Variants in AADACL4 observed in about 807,000 individuals in gnomAD.
AADACL4 encodes arylacetamide deacetylase like 4, also known as arylacetamide deacetylase-like 4.
AADACL4 carries 9 observed loss-of-function variants against 14.1 expected under a neutral mutation model. That is an observed-to-expected ratio of 0.64 (90% CI 0.39 to 1.12). The LOEUF (loss-of-function observed/expected upper bound fraction) is 1.12, where lower values mean the gene tolerates loss of function less well. Ranked by LOEUF, AADACL4 falls within the 50% of genes most tolerant of loss-of-function variation. The pLI, the probability that AADACL4 is intolerant of heterozygous loss-of-function variation, is 0.01. For missense variants in AADACL4, 531 were observed against 516.1 expected (o/e 1.03, Z -0.28); for synonymous variants, 188 against 201.6 (o/e 0.93, Z 0.57).
chr1:12,644,806 GTCTC>G (rs1191911646), intron 1 of AADACL4, 92 bp downstream of exon 1: 5 of 1,375,900 alleles, frequency 3.6e-6, no homozygotes, highest in Admixed American at 2.0e-5. Context: ...CTTCCCTTCT[GTCTC>G]TCTCTCTTCG....
intron 2 of AADACL4, among the ~76,000 whole-genome samples, chr1:12,658,139 C>CTTTCTTTCTTTCTTT: frequency 1.2e-5 from 1 of 84,932 alleles, no homozygotes; most frequent in Admixed American, 1.2e-4. Flanking sequence ...TTCCTTCCTT[C>CTTTCTTTCTTTCTTT]CTTTCTTTCT....
chr1:12,646,401 G>T (rs1373796155), intron 1 of AADACL4, among the ~76,000 whole-genome samples: 1 of 152,172 alleles, frequency 6.6e-6, no homozygotes, highest in Non-Finnish European at 1.5e-5. Context: ...TTCCCCATGG[G>T]TTACAAAAAC....
chr1:12,644,370 C>G lies in AADACL4; in HGVS notation c.-177C>G, dbSNP rs1228524745. Among the ~76,000 whole-genome samples the G allele has an allele frequency of 2.0e-5, 3 of 152,198 alleles. No homozygotes were observed. The highest frequency in any genetic ancestry group is 7.2e-5 in the African/African-American group (3 of 41,444). The stretch of plus-strand genomic sequence containing the variant: ...CTTAGGGAAATAGGTTCCTCCACCT[C>G]CCATTGGCCTTTTTGTGCTTACCCT... On this transcript the variant is annotated 5_prime_UTR_variant, in exon 1 of 4. Coordinates refer to ENST00000376221, the MANE Select transcript of AADACL4 (RefSeq NM_001013630.2).
Position 12,644,537 on chromosome 1 carries a change from C to T in AADACL4, c.-10C>T. 6.2e-7 allele frequency: 1 copy of T among 1,613,130 alleles called. No homozygotes were observed. The highest frequency in any genetic ancestry group is 1.1e-5 in the South Asian group (1 of 90,918). On this transcript the variant is annotated 5_prime_UTR_variant, in exon 1 of 4. Coordinates refer to ENST00000376221, the MANE Select transcript of AADACL4 (RefSeq NM_001013630.2). ...TCCTCAGGGCAGCAGCTCCTCAAGG[C>T]CCCAGGAACATGGCTGTCCCCTGGC...
intron 1 of AADACL4, among the ~76,000 whole-genome samples, chr1:12,645,672 T>C (rs914907598): frequency 6.6e-6 from 1 of 152,134 alleles, no homozygotes; most frequent in African/African-American, 2.4e-5. Context: ...GCCTCCCAAG[T>C]AGCTGGGACT....
At chr1:12,663,460 A>G (rs1647262960) in intron 3 of AADACL4, among the ~76,000 whole-genome samples, 1 of 152,106 alleles carries the variant, frequency 6.6e-6, no homozygotes, top group African/African-American at 2.4e-5. Flanking sequence ...TCATAAGGGC[A>G]CTAATCCCAT....
intron 2 of AADACL4, among the ~76,000 whole-genome samples, chr1:12,658,450 G>A (rs1011903086): frequency 5.9e-5 from 9 of 152,212 alleles, no homozygotes; most frequent in Non-Finnish European, 8.8e-5. Flanking sequence ...GTAGAGACGG[G>A]GTTTTGCCAT....
intron 3 of AADACL4, 119 bp downstream of exon 3, chr1:12,661,973 TC>T: frequency 1.8e-6 from 2 of 1,120,250 alleles, no homozygotes; most frequent in Non-Finnish European, 2.7e-6. Context: ...TGGACATGCA[TC>T]CACAGAGACA....
chr1:12,648,305 G>T (rs1445516844), intron 1 of AADACL4, among the ~76,000 whole-genome samples: 2 of 151,866 alleles, frequency 1.3e-5, no homozygotes, highest in Non-Finnish European at 2.9e-5. Flanking sequence ...TGCAATATTT[G>T]TCAAGGAGTT....
chr1:12,650,137 T>G (rs1647136292), intron 1 of AADACL4, among the ~76,000 whole-genome samples: 3 of 152,206 alleles, frequency 2.0e-5, no homozygotes, highest in African/African-American at 4.8e-5. Context: ...TTCTTATCAT[T>G]CCTTGCTGTT....
Position 12,666,308 on chromosome 1 carries a change from C to T in AADACL4, c.797C>T (p.Ala266Val), listed in dbSNP as rs757095087. Residue 266 changes from alanine (A) to valine (V), a missense_variant, in exon 4 of 4, where the codon GCC (alanine) becomes GTC (valine). Ala to Val is a moderately conservative substitution (Grantham distance 64). Coordinates refer to ENST00000376221, the MANE Select transcript of AADACL4 (RefSeq NM_001013630.2). ...GCCATTGACCTCTCCTGGCGTGACG[C>T]CATCTTGAACGGCACTTGTGTACCC... is the stretch of plus-strand genomic sequence containing the variant. ...YLAIDLSWRD[A>V]ILNGTCVPPD... is the part of the protein sequence containing the mutation. 1.9e-6 allele frequency: 3 copies of T among 1,614,216 alleles called. No individual in the cohort carries two copies. Among genetic ancestry groups the T allele is most frequent in the Non-Finnish European group, 2.5e-6 (3 of 1,180,052 alleles).
intron 2 of AADACL4, among the ~76,000 whole-genome samples, chr1:12,658,067 C>CTT (rs1647193543): frequency 7.3e-6 from 1 of 137,274 alleles, no homozygotes; most frequent in African/African-American, 3.0e-5. Flanking sequence ...CTTTCTTTTT[C>CTT]TCTTTCTTTC....
Position 12,661,814 on chromosome 1 carries a change from T to C in AADACL4, c.409T>C (p.Tyr137His), listed in dbSNP as rs779773583. The part of the protein sequence containing the change: ...SLDCYHGLCN[Y>H]LARETESVLL... ...AGATTGTTACCATGGCCTGTGCAAT[T>C]ATCTGGCCCGGGAGACTGAATCTGT... Residue 137 changes from tyrosine to histidine, a missense_variant, in exon 3 of 4, where the codon TAT becomes CAT. Tyr to His is a moderately conservative substitution (Grantham distance 83, BLOSUM62 2). Transcript: ENST00000376221. 4 of 1,614,174 alleles carry C rather than the reference T, an allele frequency of 2.5e-6. No individual in the cohort carries two copies. In the South Asian group the frequency reaches 3.3e-5, roughly 13 times the overall value.
At chr1:12,665,482 C>T (rs1647302483) in intron 3 of AADACL4, among the ~76,000 whole-genome samples, 1 of 152,192 alleles carries the variant, frequency 6.6e-6, no homozygotes, top group South Asian at 2.1e-4. Context: ...GCCTTGGCCT[C>T]CCAGAGTGCT....
At chr1:12,664,623 G>A (rs553798032) in intron 3 of AADACL4, among the ~76,000 whole-genome samples, 1 of 152,234 alleles carries the variant, frequency 6.6e-6, no homozygotes, top group Non-Finnish European at 1.5e-5. Flanking sequence ...GCCTCCCAAA[G>A]TGCTGGGATT....
rs138804535 is a variant in AADACL4 at position 12,651,094 on chromosome 1, G to A, written c.169-29G>A. ...CATCCAGATTCTAACCTCTCCTAAC[G>A]TCTGGCTTTCTTTTGTTACCTCCAA... is the stretch of plus-strand genomic sequence containing the variant. On this transcript the variant is annotated intron_variant, in intron 1 of 3. Transcript: ENST00000376221. 347 of 1,598,294 alleles carry A rather than the reference G, an allele frequency of 2.2e-4. 1 individual carries two copies. Among genetic ancestry groups the A allele is most frequent in the Middle Eastern group, 1.8e-3 (11 of 6,026 alleles).
At position 12,665,990 on chromosome 1, in the gene AADACL4, C is replaced by G. The variant is rs754959347; in HGVS notation, c.479C>G (p.Pro160Arg). 6.2e-7 allele frequency: 1 copy of G among 1,612,466 alleles called. No individual in the cohort carries two copies. The highest frequency in any genetic ancestry group is 1.1e-5 in the South Asian group (1 of 91,020). Residue 160 changes from proline to arginine, a missense_variant, in exon 4 of 4, where the codon CCT becomes CGT. Coordinates refer to ENST00000376221, the MANE Select transcript of AADACL4 (RefSeq NM_001013630.2). ...CGCAAGCTTCCTGACCACCATTCCC[C>G]TGCCCTTTTCCAAGACTGCATGAAT... Reference protein sequence around the residue: ...GYRKLPDHHSPALFQDCMNAS... With the variant: ...GYRKLPDHHSRALFQDCMNAS...
At chr1:12,651,097 T>C in intron 1 of AADACL4, 26 bp from the exon 2 acceptor site, 1 of 1,602,236 alleles carries the variant, frequency 6.2e-7, no homozygotes. Context: ...TCCTAACGTC[T>C]GGCTTTCTTT....
At chr1:12,660,384 A>G (rs1647217287) in intron 2 of AADACL4, among the ~76,000 whole-genome samples, 1 of 152,170 alleles carries the variant, frequency 6.6e-6, no homozygotes, top group Non-Finnish European at 1.5e-5. Flanking sequence ...ACCCAAGGCG[A>G]TGTCTTGCCT....
Sources: gnomAD v4.1 joint callset for allele counts (sites outside exome capture counted in the v4.1 genomes callset) on GRCh38, gnomAD v4.1.1 for gene constraint, MANE v1.5 for transcripts, NCBI Gene and HGNC (gene_info 2026-07-23, HGNC 2026-07-21) for gene names.